Variants in SORL1 observed in about 807,000 individuals in gnomAD.
The protein encoded by SORL1 is sortilin-related receptor.
SORL1 carries 127 observed loss-of-function variants against 273.7 expected under a neutral mutation model. The observed-to-expected ratio is 0.46, with a 90% confidence interval of 0.40 to 0.54. The LOEUF (loss-of-function observed/expected upper bound fraction) is 0.54. Among genes scored for constraint, SORL1 ranks in the 20% least tolerant of loss-of-function variants. The pLI is 0.00. For synonymous variants in SORL1, 1,031 were observed against 1,067.4 expected (o/e 0.97, Z 0.66); for missense variants, 2,494 against 2,846.1 (o/e 0.88, Z 2.81).
At chr11:121,605,352 C>T (rs1370490055) in intron 34 of SORL1, 50 bp from the exon 35 acceptor site, 1 of 1,582,980 alleles carries the variant, frequency 6.3e-7, no homozygotes, top group Non-Finnish European at 8.6e-7. Flanking sequence ...GACATCTCAG[C>T]CCCCCATGCT....
At chr11:121,561,599 G>C (rs965362402) in intron 21 of SORL1, among the ~76,000 whole-genome samples, 5 of 150,436 alleles carry the variant, frequency 3.3e-5, no homozygotes, top group Non-Finnish European at 5.9e-5. Context: ...GGAGGTGGGA[G>C]CATCACCTGA....
At chr11:121,565,046 C>T (rs916391313) in intron 21 of SORL1, among the ~76,000 whole-genome samples, 1 of 152,166 alleles carries the variant, frequency 6.6e-6, no homozygotes, top group Non-Finnish European at 1.5e-5. Context: ...TAGCCAGTGG[C>T]CTGTACCTTT....
intron 1 of SORL1, among the ~76,000 whole-genome samples, chr11:121,464,570 C>T (rs1324119636): frequency 1.3e-5 from 2 of 152,184 alleles, no homozygotes; most frequent in African/African-American, 2.4e-5. Flanking sequence ...TCCTTCCCCT[C>T]ACTCTGAATA....
At chr11:121,531,045 C>T (rs1051158899) in intron 11 of SORL1, among the ~76,000 whole-genome samples, 6 of 151,970 alleles carry the variant, frequency 3.9e-5, no homozygotes, top group African/African-American at 1.4e-4. Context: ...TCTTTTCTCT[C>T]ATTCATTTCA....
chr11:121,460,714 CTG>C (rs1410695000), intron 1 of SORL1, among the ~76,000 whole-genome samples: 1 of 152,048 alleles, frequency 6.6e-6, no homozygotes, highest in East Asian at 1.9e-4. Context: ...ATTTTTAACT[CTG>C]TGCCCAGAGG....
chr11:121,505,639 G>A (rs1309288224), intron 6 of SORL1, among the ~76,000 whole-genome samples: 1 of 151,820 alleles, frequency 6.6e-6, no homozygotes, highest in Non-Finnish European at 1.5e-5. Context: ...ATATGCTTAT[G>A]TTTTCATTTT....
At chr11:121,523,503 T>TCA (rs1591311187) in intron 11 of SORL1, among the ~76,000 whole-genome samples, 1 of 152,286 alleles carries the variant, frequency 6.6e-6, no homozygotes, top group East Asian at 1.9e-4. Context: ...CTTAAGGTTG[T>TCA]ATAACTAATA....
chr11:121,452,601 C>T lies in SORL1; in HGVS notation c.270C>T (p.Ile90=). The change falls in exon 1 of 48, where the codon ATC becomes ATT. Residue 90 remains isoleucine, a synonymous_variant. Transcript: ENST00000260197. This position sits in a 1 kb window ranked among gnomAD's most constrained non-coding sequence, Gnocchi z 5.3. ...GCGCTGCCCTGCAGCCCGAGCCCAT[C>T]AAGGTGTACGGACAGGTGAGCAGTT... is the stretch of plus-strand genomic sequence containing the variant. The part of the protein sequence containing the change: ...KRSAALQPEP[I]KVYGQVSLND... 6.6e-7 allele frequency: 1 copy of T among 1,516,836 alleles called. No homozygotes were observed. 94.0% of individuals were successfully genotyped at this position (1,516,836 alleles called of 1,614,324 possible).
At chr11:121,543,787 A>T in intron 13 of SORL1, 61 bp downstream of exon 13, 1 of 1,484,334 alleles carries the variant, frequency 6.7e-7, no homozygotes, top group Non-Finnish European at 9.2e-7. Context: ...TGTTATGTGC[A>T]AAGCACCAGC....
At chr11:121,494,011 C>T (rs191090771) in intron 5 of SORL1, among the ~76,000 whole-genome samples, 42 of 152,328 alleles carry the variant, frequency 2.8e-4, no homozygotes, top group African/African-American at 9.6e-4. Flanking sequence ...CATCCAAGGA[C>T]ACCCTCTGCT....
chr11:121,468,303 A>G (rs1190330307), intron 1 of SORL1, among the ~76,000 whole-genome samples: 1 of 152,178 alleles, frequency 6.6e-6, no homozygotes, highest in African/African-American at 2.4e-5. Flanking sequence ...CGTGTGCCTC[A>G]GACAGCTGAG....
chr11:121,508,697 G>T (rs900015312), intron 6 of SORL1, among the ~76,000 whole-genome samples: 1 of 152,212 alleles, frequency 6.6e-6, no homozygotes, highest in Non-Finnish European at 1.5e-5. Context: ...GCTAGAGAGA[G>T]GGGGATGGGA....
chr11:121,618,669 G>T, intron 41 of SORL1, 105 bp from the exon 42 acceptor site: 1 of 1,371,162 alleles, frequency 7.3e-7, no homozygotes, highest in Non-Finnish European at 1.0e-6. Flanking sequence ...AGACTTCTCT[G>T]TGAGCTCTTT....
rs1229968005 is a variant in SORL1, at chr11:121,550,968, A to AG, written c.2266+300dup. The stretch of plus-strand genomic sequence containing the variant: ...TCCACTGGGGTAGAAAGATCCCCAC[A>AG]GGCTTTTGTGTGTTCCTTAATCTGT... On this transcript the variant is annotated intron_variant, in intron 16 of 47. Coordinates refer to ENST00000260197, the MANE Select transcript of SORL1 (RefSeq NM_003105.6). The surrounding 1 kb of genome is among the most constrained non-coding windows in gnomAD (Gnocchi z 5.3). Among the ~76,000 whole-genome samples, 1 of 152,248 alleles carries AG rather than the reference A, an allele frequency of 6.6e-6. No individual in the cohort carries two copies. The highest frequency in any genetic ancestry group is 2.4e-5 in the African/African-American group (1 of 41,458).
intron 8 of SORL1, among the ~76,000 whole-genome samples, chr11:121,519,915 C>T (rs1862013933): frequency 6.6e-6 from 1 of 152,144 alleles, no homozygotes; most frequent in Non-Finnish European, 1.5e-5. Context: ...TCAGACAAGC[C>T]TTTTGACCCT....
chr11:121,622,523 G>C (rs1326918456), intron 45 of SORL1, among the ~76,000 whole-genome samples: 8 of 152,210 alleles, frequency 5.3e-5, no homozygotes. Flanking sequence ...TTCCCCTGAA[G>C]AAAGACAAAT....
In SORL1 at chr11:121,550,143, A is replaced by G; in HGVS notation, c.2180+55A>G. 3.2e-6 allele frequency: 5 copies of G among 1,557,584 alleles called. No homozygotes were observed. The highest frequency in any genetic ancestry group is 4.4e-6 in the Non-Finnish European group (5 of 1,148,284). ...TTCTCAGCGGTCCGCACATGGAGCG[A>G]GAGAGCATAGAGGACCGTCTGGATT... On this transcript the variant is annotated intron_variant, in intron 15 of 47. Coordinates refer to ENST00000260197, the MANE Select transcript of SORL1 (RefSeq NM_003105.6). This position sits in a 1 kb window ranked among gnomAD's most constrained non-coding sequence, Gnocchi z 5.3.
chr11:121,455,480 G>T (rs1244332424), intron 1 of SORL1, among the ~76,000 whole-genome samples: 1 of 152,222 alleles, frequency 6.6e-6, no homozygotes, highest in Non-Finnish European at 1.5e-5. Flanking sequence ...CTTTCTAGGG[G>T]AATACTTGCA....
rs889656412 is a variant in SORL1, at chr11:121,596,296, A to T, written c.4519+524A>T. Among the ~76,000 whole-genome samples, 1 of 152,126 alleles carries T rather than the reference A, an allele frequency of 6.6e-6. No homozygotes were observed. The highest frequency in any genetic ancestry group is 1.5e-5 in the Non-Finnish European group (1 of 68,020). Reference sequence around the variant, plus strand: ...CACAGGGCCATCTGAGCCCAGTGTGAGGTGATGCATGCATTCTCTACGGGT... The same window carrying T: ...CACAGGGCCATCTGAGCCCAGTGTGTGGTGATGCATGCATTCTCTACGGGT... On this transcript the variant is annotated intron_variant, in intron 32 of 47. Transcript: ENST00000260197. The surrounding 1 kb of genome is among the most constrained non-coding windows in gnomAD (Gnocchi z 4.3).
Sources: gnomAD v4.1 joint callset for allele counts (sites outside exome capture counted in the v4.1 genomes callset) on GRCh38, gnomAD v4.1.1 for gene constraint, Gnocchi (gnomAD v3.1) non-coding constraint, MANE v1.5 for transcripts, NCBI Gene and HGNC (gene_info 2026-07-23, HGNC 2026-07-21) for gene names.